The following DEPTOR variants were observed in gnomAD, a reference collection of about 807,000 sequenced individuals.
The protein encoded by DEPTOR is DEP domain containing MTOR interacting protein, also known as DEP domain-containing mTOR-interacting protein.
A neutral mutation model predicts 41.6 loss-of-function variants in DEPTOR; 41 were observed. The ratio of observed to expected loss-of-function variants is 0.98; its 90% CI spans 0.77 to 1.28. The LOEUF is 1.28. Ranked by LOEUF, DEPTOR falls within the 50% of genes most tolerant of loss-of-function variation. DEPTOR has a pLI of 0.00. For missense variants in DEPTOR, 514 were observed against 527.9 expected (o/e 0.97, Z 0.26); for synonymous variants, 195 against 192.3 (o/e 1.01, Z -0.12).
At chr8:119,874,384 T>TA in intron 1 of DEPTOR, 1 of 208,310 alleles carries the variant, frequency 4.8e-6, no homozygotes, top group Non-Finnish European at 9.5e-6. Context: ...CCAGCCCCTC[T>TA]ACTCCTTGAT....
chr8:119,929,759 A>G, intron 2 of DEPTOR, 56 bp from the exon 3 acceptor site: 2 of 1,558,668 alleles, frequency 1.3e-6, no homozygotes, highest in Non-Finnish European at 1.7e-6. Flanking sequence ...CGCTTGAGTA[A>G]TTAAATAAGA....
intron 4 of DEPTOR, among the ~76,000 whole-genome samples, chr8:119,982,900 A>G (rs957320855): frequency 6.6e-6 from 1 of 152,200 alleles, no homozygotes; most frequent in African/African-American, 2.4e-5. Context: ...TCGGTGACTC[A>G]TATGGTTTTG....
At chr8:119,974,468 T>C (rs1046405107) in intron 4 of DEPTOR, among the ~76,000 whole-genome samples, 1 of 151,860 alleles carries the variant, frequency 6.6e-6, no homozygotes, top group African/African-American at 2.4e-5. Flanking sequence ...ATCTCTAGGA[T>C]AGATCTCAAA....
At chr8:119,886,759 C>T (rs1162160269) in intron 1 of DEPTOR, among the ~76,000 whole-genome samples, 2 of 152,096 alleles carry the variant, frequency 1.3e-5, no homozygotes, top group African/African-American at 2.4e-5. Context: ...AACTACGATG[C>T]GGGAGGTCAA....
intron 3 of DEPTOR, among the ~76,000 whole-genome samples, chr8:119,936,121 T>G (rs1828109951): frequency 6.6e-6 from 1 of 152,118 alleles, no homozygotes; most frequent in Non-Finnish European, 1.5e-5. Context: ...AAGAATTGGC[T>G]TAACAAGCCC....
At chr8:120,034,357 G>A (rs1030489386) in intron 8 of DEPTOR, among the ~76,000 whole-genome samples, 1 of 151,082 alleles carries the variant, frequency 6.6e-6, no homozygotes, top group Non-Finnish European at 1.5e-5. Flanking sequence ...AAGGAGAATC[G>A]GATATGTTGA....
At chr8:119,993,056 C>T (rs1812197167) in intron 4 of DEPTOR, among the ~76,000 whole-genome samples, 1 of 152,074 alleles carries the variant, frequency 6.6e-6, no homozygotes, top group African/African-American at 2.4e-5. Flanking sequence ...AGCCAATTTC[C>T]CCCCTTTTAA....
intron 4 of DEPTOR, among the ~76,000 whole-genome samples, chr8:119,983,454 G>A (rs144073876): frequency 0.014 from 2,197 of 151,968 alleles, 51 homozygotes; most frequent in African/African-American, 0.051. Flanking sequence ...GCGCCATCTC[G>A]GCTCACTGCA....
chr8:119,954,862 G>C (rs1395842930), intron 3 of DEPTOR, among the ~76,000 whole-genome samples: 1 of 151,852 alleles, frequency 6.6e-6, no homozygotes. Flanking sequence ...GTGTGTGTGT[G>C]TGTGTGTGTG....
intron 8 of DEPTOR, among the ~76,000 whole-genome samples, chr8:120,022,926 C>CT (rs1812743100): frequency 6.6e-6 from 1 of 152,290 alleles, no homozygotes; most frequent in African/African-American, 2.4e-5. Flanking sequence ...AGTTAGACAT[C>CT]TTTTTTCAAA....
chr8:119,953,940 G>A (rs1828385941), intron 3 of DEPTOR, among the ~76,000 whole-genome samples: 1 of 151,348 alleles, frequency 6.6e-6, no homozygotes, highest in Admixed American at 6.6e-5. Context: ...GAGTATCTGA[G>A]ATTACAGGTG....
rs577404781 is a variant in DEPTOR at position 119,915,602 on chromosome 8, G to A, written c.123-12798G>A. Among the ~76,000 whole-genome samples, 30 of 152,254 alleles carry A rather than the reference G, an allele frequency of 2.0e-4. No homozygotes were observed. In the Middle Eastern group the frequency reaches 0.014, roughly 69 times the overall value. On this transcript the variant is annotated intron_variant, in intron 1 of 8. Transcript: ENST00000286234. ...GGAGGTCAAGGTTTAACTCTTATCT[G>A]GGAAAAGAGGCAAGTTACCTAACTT...
chr8:119,943,263 C>G (rs1004368013), intron 3 of DEPTOR, among the ~76,000 whole-genome samples: 3 of 152,180 alleles, frequency 2.0e-5, no homozygotes, highest in African/African-American at 7.2e-5. Flanking sequence ...AGTCCATTCT[C>G]ACACCGCTGT....
At chr8:119,955,955 G>A (rs549853469) in intron 3 of DEPTOR, among the ~76,000 whole-genome samples, 3 of 152,026 alleles carry the variant, frequency 2.0e-5, no homozygotes, top group African/African-American at 4.8e-5. Context: ...CTTGAGCCCC[G>A]CATCACCAGG....
At chr8:119,910,431 A>T (rs923553807) in intron 1 of DEPTOR, among the ~76,000 whole-genome samples, 3 of 151,960 alleles carry the variant, frequency 2.0e-5, no homozygotes, top group Non-Finnish European at 4.4e-5. Flanking sequence ...AGGGTTTTTG[A>T]ATTTTTTTTC....
At chr8:120,021,559 T>C (rs564746906) in intron 8 of DEPTOR, among the ~76,000 whole-genome samples, 5 of 152,272 alleles carry the variant, frequency 3.3e-5, no homozygotes, top group African/African-American at 1.2e-4. Context: ...TTAAATACGC[T>C]TATATTTGCA....
chr8:120,040,361 G>A (rs1179831027), intron 8 of DEPTOR, among the ~76,000 whole-genome samples: 1 of 152,010 alleles, frequency 6.6e-6, no homozygotes, highest in African/African-American at 2.4e-5. Context: ...CAGATCTCGA[G>A]GTCGGGAGAT....
At chr8:119,985,026 A>G (rs1828811894) in intron 4 of DEPTOR, among the ~76,000 whole-genome samples, 1 of 152,204 alleles carries the variant, frequency 6.6e-6, no homozygotes, top group South Asian at 2.1e-4. Context: ...ACAAAAAATT[A>G]GCTGGGTGTA....
At chr8:120,026,080 G>A (rs185379548) in intron 8 of DEPTOR, among the ~76,000 whole-genome samples, 2,487 of 150,902 alleles carry the variant, frequency 0.016, 26 homozygotes, top group Non-Finnish European at 0.026. Context: ...TCTGCCTCCC[G>A]GGTTCAAGTG....
Sources: allele counts gnomAD v4.1 joint callset (sites outside exome capture counted in the v4.1 genomes callset), GRCh38; gene constraint gnomAD v4.1.1; transcripts MANE v1.5; gene names NCBI Gene and HGNC (gene_info 2026-07-23, HGNC 2026-07-21).